The following RASGRP4 variants were observed in gnomAD, a reference collection of about 807,000 sequenced individuals.
The protein encoded by RASGRP4 is RAS guanyl-releasing protein 4.
Under a neutral mutation model 84.4 loss-of-function variants are expected in RASGRP4, and 52 were observed. That is an observed-to-expected ratio of 0.62 (90% CI 0.49 to 0.78). RASGRP4 has a LOEUF of 0.78. Ranked by LOEUF, RASGRP4 falls within the 30% of genes least tolerant of loss-of-function variation. The pLI is 0.00. For synonymous variants in RASGRP4, 356 were observed against 359.1 expected, an observed-to-expected ratio of 0.99 and a Z score of 0.10; for missense variants, 760 against 886.9, an observed-to-expected ratio of 0.86 and a Z score of 1.82.
In RASGRP4 at chr19:38,419,861, G is replaced by A. The variant is rs201189052; in HGVS notation, c.662C>T (p.Thr221Met). ...ACGGGGATGGGAGGGGGTCCTCACCGTGATAGCCTGGAAGGACCGGAACTC... is the reference window on the plus strand; with the variant it reads ...ACGGGGATGGGAGGGGGTCCTCACCATGATAGCCTGGAAGGACCGGAACTC... ...YLEFRSFQAITPQDLRSYVLQ... is the reference protein window; with the variant it reads ...YLEFRSFQAIMPQDLRSYVLQ... Residue 221 changes from threonine to methionine, a missense_variant and splice_region_variant, in exon 6 of 17, where the codon ACG becomes ATG. Coordinates refer to ENST00000615439, the MANE Select transcript of RASGRP4 (RefSeq NM_170604.3). 469 of 1,591,730 alleles carry A rather than the reference G, an allele frequency of 2.9e-4. 1 individual carries two copies. Among genetic ancestry groups the A allele is most frequent in the East Asian group, 5.5e-4 (24 of 43,914 alleles).
At chr19:38,419,742 T>G in intron 6 of RASGRP4, 118 bp downstream of exon 6, 6 of 1,053,360 alleles carry the variant, frequency 5.7e-6, no homozygotes, top group Non-Finnish European at 8.2e-6. Flanking sequence ...GTTTAAGACT[T>G]TGAGATCTCT....
chr19:38,416,762 T>C lies in RASGRP4; in HGVS notation c.954+290A>G, dbSNP rs190265787. On this transcript the variant is annotated intron_variant, in intron 8 of 16. Coordinates refer to ENST00000615439, the MANE Select transcript of RASGRP4 (RefSeq NM_170604.3). ...CCTGCCACTTTCTGACCTCAGCCAG[T>C]CCTCCCCATGGGGACTGCAAAGTTC... 3.9e-3 allele frequency among the ~76,000 whole-genome samples: 596 copies of C among 152,232 alleles called. 4 individuals are homozygous for C. Among genetic ancestry groups the C allele is most frequent in the African/African-American group, 0.013 (545 of 41,530 alleles).
In RASGRP4 at chr19:38,412,729, G is replaced by A. The variant is rs1358846839; in HGVS notation, c.1623C>T (p.His541=). The change falls in exon 13 of 17, where the codon CAC becomes CAT. Residue 541 remains histidine, a synonymous_variant. Transcript: ENST00000615439. This position sits in a 1 kb window ranked among gnomAD's most constrained non-coding sequence, Gnocchi z 4.6. ...ICSKLGLAFL[H]TFHEVTFRKP... is the part of the protein sequence containing the mutation. Reference sequence around the variant, plus strand: ...TTCGGAAGGTGACCTCATGGAAGGTGTGCAGGAAGGCCAGGCCCAACTTGG... The same window carrying A: ...TTCGGAAGGTGACCTCATGGAAGGTATGCAGGAAGGCCAGGCCCAACTTGG... 1 of 1,612,788 alleles carries A rather than the reference G, an allele frequency of 6.2e-7. No individual in the cohort carries two copies. Among genetic ancestry groups the A allele is most frequent in the Non-Finnish European group, 8.5e-7 (1 of 1,179,384 alleles).
intron 1 of RASGRP4, among the ~76,000 whole-genome samples, chr19:38,424,620 G>A (rs911817460): frequency 6.9e-6 from 1 of 144,942 alleles, no homozygotes; most frequent in Non-Finnish European, 1.5e-5. Context: ...TGTCAATGGG[G>A]GGGGGGGTCT....
At chr19:38,426,009 C>A in intron 1 of RASGRP4, 60 bp downstream of exon 1, 2 of 1,318,320 alleles carry the variant, frequency 1.5e-6, no homozygotes, top group Non-Finnish European at 2.0e-6. Context: ...TCTCCCCAGC[C>A]CTCCCATGCA....
rs1445350347 is a variant in RASGRP4, at chr19:38,412,076, A to T, written c.1680+596T>A. Among the ~76,000 whole-genome samples the T allele has an allele frequency of 6.7e-6, 1 of 150,288 alleles. No individual in the cohort carries two copies. The highest frequency in any genetic ancestry group is 2.0e-4 in the East Asian group (1 of 5,052). On this transcript the variant is annotated intron_variant, in intron 13 of 16. Coordinates refer to ENST00000615439, the MANE Select transcript of RASGRP4 (RefSeq NM_170604.3). This position sits in a 1 kb window ranked among gnomAD's most constrained non-coding sequence, Gnocchi z 4.6. The stretch of plus-strand genomic sequence containing the variant: ...ACATAATCTACCCGGTTTGGAGATT[A>T]TCCAGGTTTGTTGTTGTTGTTGTTG...
chr19:38,419,234 A>G (rs192445537), intron 6 of RASGRP4, among the ~76,000 whole-genome samples: 3 of 152,190 alleles, frequency 2.0e-5, no homozygotes, highest in African/African-American at 4.8e-5. Context: ...TGACAATTTC[A>G]AATGGTTCAA....
At position 38,414,876 on chromosome 19, in the gene RASGRP4, G is replaced by A. The variant is rs569953333; in HGVS notation, c.1202C>T (p.Ala401Val). ...ALQGQHPPCSANEDLLHLLTL... is the reference protein window; with the variant it reads ...ALQGQHPPCSVNEDLLHLLTL... The stretch of plus-strand genomic sequence containing the variant: ...GAGCAGGTGCAGCAGATCCTCATTG[G>A]CGCTGCAGGGTGGATGCTGCCCTTG... The change falls in exon 9 of 17, where the codon GCC becomes GTC. Residue 401 changes from alanine (A) to valine (V), a missense_variant. Physicochemically the swap from Ala to Val is moderately conservative, Grantham distance 64. Transcript: ENST00000615439. 7 of 1,600,900 alleles carry A rather than the reference G, an allele frequency of 4.4e-6. No individual in the cohort carries two copies. In the South Asian group the frequency reaches 4.5e-5, roughly 10 times the overall value.
At chr19:38,415,493 C>T (rs544884599) in intron 8 of RASGRP4, among the ~76,000 whole-genome samples, 1 of 151,704 alleles carries the variant, frequency 6.6e-6, no homozygotes, top group East Asian at 2.0e-4. Context: ...CTGCCTCAGC[C>T]TCCCAAGAAG....
chr19:38,415,283 C>T (rs1451608602), intron 8 of RASGRP4, among the ~76,000 whole-genome samples, 160 bp from the exon 9 acceptor site: 1 of 152,186 alleles, frequency 6.6e-6, no homozygotes, highest in African/African-American at 2.4e-5. Flanking sequence ...CCCCAAACTG[C>T]TCTTCCTCTT....
intron 1 of RASGRP4, among the ~76,000 whole-genome samples, chr19:38,425,511 A>G (rs559323637): frequency 6.6e-6 from 1 of 152,204 alleles, no homozygotes; most frequent in South Asian, 2.1e-4. Context: ...TGGCAGGAGG[A>G]GTTACCCAGG....
At chr19:38,424,280 G>A (rs10419454) in intron 1 of RASGRP4, among the ~76,000 whole-genome samples, 1 of 151,576 alleles carries the variant, frequency 6.6e-6, no homozygotes, top group African/African-American at 2.4e-5. Flanking sequence ...CCACCACGCC[G>A]AGCTAATTTT....
Position 38,411,387 on chromosome 19 carries a change from A to C in RASGRP4, c.1681-6T>G. Reference sequence around the variant, plus strand: ...TGCTTGGTGACACCCCAGAGCTGGGAAGAGAAAGGAGAAAAGGTTACCCAT... The same window carrying C: ...TGCTTGGTGACACCCCAGAGCTGGGCAGAGAAAGGAGAAAAGGTTACCCAT... On this transcript the variant is annotated splice_polypyrimidine_tract_variant and splice_region_variant and intron_variant, in intron 13 of 16. Coordinates refer to ENST00000615439, the MANE Select transcript of RASGRP4 (RefSeq NM_170604.3). 6.4e-7 allele frequency: 1 copy of C among 1,558,586 alleles called. No individual in the cohort carries two copies. The highest frequency in any genetic ancestry group is 8.7e-7 in the Non-Finnish European group (1 of 1,148,938).
At position 38,409,829 on chromosome 19, in the gene RASGRP4, A is replaced by G. The variant is rs532070034; in HGVS notation, c.*211T>C. 4.6e-4 allele frequency: 235 copies of G among 509,518 alleles called. 3 individuals are homozygous for G. The South Asian group carries it at 6.0e-3, about 13-fold the overall frequency. The allele number at this position is 509,518 out of a possible 1,614,324, so 31.6% of individuals were successfully genotyped here. On this transcript the variant is annotated 3_prime_UTR_variant, in exon 17 of 17. Coordinates refer to ENST00000615439, the MANE Select transcript of RASGRP4 (RefSeq NM_170604.3). ...ACACAGCCGCACAGATACTAAGTGC[A>G]GGGAAAGGGAGCAGGATTAGCATCC...
At chr19:38,422,234 A>T (rs1160250208) in intron 1 of RASGRP4, 81 bp from the exon 2 acceptor site, 1 of 1,336,702 alleles carries the variant, frequency 7.5e-7, no homozygotes, top group African/African-American at 1.5e-5. Flanking sequence ...CTAATGCCCC[A>T]AGGCACCACG....
rs775505860 is a variant in RASGRP4, at chr19:38,421,951, T to C, written c.208+18A>G. On this transcript the variant is annotated intron_variant, in intron 2 of 16. Coordinates refer to ENST00000615439, the MANE Select transcript of RASGRP4 (RefSeq NM_170604.3). ...CCGAGGTTAGGGCCAGGGAGGCTGCTGGGGAGAGGACACTTACCGAAGGAC... is the reference window on the plus strand; with the variant it reads ...CCGAGGTTAGGGCCAGGGAGGCTGCCGGGGAGAGGACACTTACCGAAGGAC... The C allele has an allele frequency of 1.2e-6, 2 of 1,602,298 alleles. No individual in the cohort carries two copies. The highest frequency in any genetic ancestry group is 8.5e-7 in the Non-Finnish European group (1 of 1,175,048).
At chr19:38,410,220 C>T (rs1971171251) in intron 16 of RASGRP4, 124 bp from the exon 17 acceptor site, 1 of 666,458 alleles carries the variant, frequency 1.5e-6, no homozygotes, top group East Asian at 3.0e-5. Flanking sequence ...TGAACGTCCC[C>T]TGTGGAATCC....
Position 38,409,061 on chromosome 19 carries a change from A to G in RASGRP4, c.*979T>C. 1.9e-6 allele frequency: 1 copy of G among 536,682 alleles called. No homozygotes were observed. Among genetic ancestry groups the G allele is most frequent in the East Asian group, 3.7e-5 (1 of 26,736 alleles). The allele number at this position is 536,682 out of a possible 1,614,324, so 33.2% of individuals were successfully genotyped here. ...GTCAATACCAAGAACCATGTTCTCCAGAGAATAAATTTAATTTATGACAGC... is the reference window on the plus strand; with the variant it reads ...GTCAATACCAAGAACCATGTTCTCCGGAGAATAAATTTAATTTATGACAGC... On this transcript the variant is annotated 3_prime_UTR_variant, in exon 17 of 17. Transcript: ENST00000615439.
chr19:38,422,119 C>A lies in RASGRP4; in HGVS notation c.58G>T (p.Gly20Trp), dbSNP rs757500988. 3.1e-6 allele frequency: 5 copies of A among 1,612,644 alleles called. No homozygotes were observed. The South Asian group carries it at 4.4e-5, about 14-fold the overall frequency. The change falls in exon 2 of 17, where the codon GGG (glycine) becomes TGG (tryptophan). Residue 20 changes from glycine to tryptophan, a missense_variant. Gly to Trp is a radical substitution (Grantham distance 184). Transcript: ENST00000615439. ...CGCACTTGGCGGGGCCGGCCTCGCC[C>A]TCCTATTTTTCCGGTGCATTCCTGG... The part of the protein sequence containing the change: ...SHQECTGKIG[G>W]RGRPRQVRRH...
Sources: allele counts gnomAD v4.1 joint callset (sites outside exome capture counted in the v4.1 genomes callset), GRCh38; gene constraint gnomAD v4.1.1; non-coding constraint Gnocchi (gnomAD v3.1); transcripts MANE v1.5; gene names NCBI Gene and HGNC (gene_info 2026-07-23, HGNC 2026-07-21).